The following TOPAZ1 variants were observed in gnomAD, a reference collection of about 807,000 sequenced individuals.
The protein encoded by TOPAZ1 is testis and ovary specific TOPAZ 1, also known as protein TOPAZ1.
A neutral mutation model predicts 172.2 loss-of-function variants in TOPAZ1; 66 were observed. The ratio of observed to expected loss-of-function variants is 0.38; its 90% confidence interval spans 0.31 to 0.47. The LOEUF (loss-of-function observed/expected upper bound fraction) is 0.47, where lower values mean the gene tolerates loss of function less well. Among genes scored for constraint, TOPAZ1 ranks in the 20% least tolerant of loss-of-function variants. The pLI is 0.99. For synonymous variants in TOPAZ1, 681 were observed against 683.9 expected (o/e 1.00, Z 0.07); for missense variants, 1,822 against 1,972.4 (o/e 0.92, Z 1.44).
chr3:44,308,781 A>G (rs1453597000), intron 15 of TOPAZ1, among the ~76,000 whole-genome samples: 3 of 152,180 alleles, frequency 2.0e-5, no homozygotes, highest in Admixed American at 2.0e-4. Flanking sequence ...CATAGTATGA[A>G]TTTTTTAATG....
chr3:44,248,363 T>G (rs1184515614), intron 2 of TOPAZ1, among the ~76,000 whole-genome samples: 1 of 152,248 alleles, frequency 6.6e-6, no homozygotes, highest in Non-Finnish European at 1.5e-5. Context: ...TTCATTTTTC[T>G]TCACTTCAAA....
intron 8 of TOPAZ1, among the ~76,000 whole-genome samples, chr3:44,271,264 T>A (rs1443836170): frequency 6.6e-6 from 1 of 152,214 alleles, no homozygotes; most frequent in Non-Finnish European, 1.5e-5. Flanking sequence ...ATTACACTCT[T>A]ACCAGCAATG....
intron 9 of TOPAZ1, among the ~76,000 whole-genome samples, chr3:44,285,867 C>A (rs1177569425): frequency 6.6e-6 from 1 of 151,570 alleles, no homozygotes. Flanking sequence ...CACGCCTGGC[C>A]GAGAGGATCA....
At chr3:44,296,146 TAAGTGAACTGTTAG>T (rs1333603921) in intron 12 of TOPAZ1, among the ~76,000 whole-genome samples, 2 of 152,112 alleles carry the variant, frequency 1.3e-5, no homozygotes, top group Admixed American at 6.6e-5. Flanking sequence ...GTTTCAAAAC[TAAGTGAACTGTTAG>T]AACTGAATAA....
chr3:44,265,457 T>C (rs1367516486), intron 5 of TOPAZ1, among the ~76,000 whole-genome samples: 5 of 152,156 alleles, frequency 3.3e-5, no homozygotes, highest in African/African-American at 1.2e-4. Flanking sequence ...CTCAGGAAGC[T>C]GAGGCAGAGA....
At chr3:44,304,181 A>G in intron 13 of TOPAZ1, 100 bp downstream of exon 13, 1 of 667,682 alleles carries the variant, frequency 1.5e-6, no homozygotes, top group South Asian at 2.5e-5. Flanking sequence ...AAAGTTTTAG[A>G]AATGTGGCTG....
downstream of TOPAZ1, among the ~76,000 whole-genome samples, chr3:44,332,822 A>C (rs1700685575): frequency 6.6e-6 from 1 of 151,592 alleles, no homozygotes; most frequent in Non-Finnish European, 1.5e-5. Context: ...TTTCCTGAGA[A>C]AGGGTCGTAC....
intron 4 of TOPAZ1, among the ~76,000 whole-genome samples, chr3:44,261,203 G>A (rs762815528): frequency 1.2e-4 from 18 of 151,810 alleles, no homozygotes; most frequent in Non-Finnish European, 2.2e-4. Flanking sequence ...AACATGGTAG[G>A]TCCTCGGTTT....
chr3:44,246,124 T>G (rs536578883), intron 2 of TOPAZ1, among the ~76,000 whole-genome samples: 34 of 152,280 alleles, frequency 2.2e-4, no homozygotes, highest in Middle Eastern at 3.4e-3. Context: ...AGCATAAAAT[T>G]TATTCGTGGT....
intron 12 of TOPAZ1, among the ~76,000 whole-genome samples, chr3:44,295,364 C>A (rs1700183967): frequency 6.6e-6 from 1 of 151,968 alleles, no homozygotes; most frequent in Non-Finnish European, 1.5e-5. Context: ...TACTTTGCAG[C>A]CATTAAAAAA....
At chr3:44,242,519 C>T (rs1166220351) in intron 1 of TOPAZ1, 120 bp downstream of exon 1, 1 of 1,099,466 alleles carries the variant, frequency 9.1e-7, no homozygotes, top group Non-Finnish European at 1.3e-6. Context: ...CATAGTTGAC[C>T]AGGAGATGGG....
At chr3:44,273,029 T>A (rs940208188) in intron 8 of TOPAZ1, among the ~76,000 whole-genome samples, 11 of 152,220 alleles carry the variant, frequency 7.2e-5, no homozygotes, top group African/African-American at 2.4e-4. Flanking sequence ...TATCCTCTAA[T>A]GAGGGACTTA....
chr3:44,327,066 G>T (rs890632609), intron 18 of TOPAZ1, among the ~76,000 whole-genome samples: 8 of 152,196 alleles, frequency 5.3e-5, no homozygotes, highest in Non-Finnish European at 1.2e-4. Context: ...GAGCCAGAAA[G>T]TGGGCACCCC....
intron 5 of TOPAZ1, 39 bp downstream of exon 5, chr3:44,262,522 T>G: frequency 9.5e-7 from 1 of 1,056,982 alleles, no homozygotes; most frequent in Non-Finnish European, 1.4e-6. Context: ...CTTAAAATAG[T>G]CACTCATCTA....
intron 1 of TOPAZ1, among the ~76,000 whole-genome samples, 193 bp from the exon 2 acceptor site, chr3:44,242,660 C>T (rs961358989): frequency 6.6e-6 from 1 of 152,030 alleles, no homozygotes; most frequent in African/African-American, 2.4e-5. Flanking sequence ...TATTCAGTTG[C>T]CTTAGAATTT....
At chr3:44,298,279 C>T (rs1044180362) in intron 12 of TOPAZ1, among the ~76,000 whole-genome samples, 1 of 152,046 alleles carries the variant, frequency 6.6e-6, no homozygotes, top group African/African-American at 2.4e-5. Context: ...GCCTGGGCAA[C>T]GTGGTGAAAC....
chr3:44,299,881 T>C (rs1351823976), intron 12 of TOPAZ1, among the ~76,000 whole-genome samples: 26 of 133,372 alleles, frequency 1.9e-4, no homozygotes, highest in Non-Finnish European at 1.5e-5. Context: ...ATATTCTCAC[T>C]CATAGGTGGG....
chr3:44,282,409 G>A (rs762808300), intron 9 of TOPAZ1, among the ~76,000 whole-genome samples: 2 of 152,080 alleles, frequency 1.3e-5, no homozygotes, highest in African/African-American at 2.4e-5. Context: ...GTACCATCCA[G>A]TAAGTTCTGT....
intron 4 of TOPAZ1, among the ~76,000 whole-genome samples, chr3:44,261,127 GT>G (rs902804517): frequency 1.9e-4 from 29 of 151,928 alleles, no homozygotes; most frequent in African/African-American, 5.8e-4. Context: ...TCACATTGTA[GT>G]TTTTTTAATG....
Sources: gnomAD v4.1 joint callset for allele counts (sites outside exome capture counted in the v4.1 genomes callset) on GRCh38, gnomAD v4.1.1 for gene constraint, MANE v1.5 for transcripts, NCBI Gene and HGNC (gene_info 2026-07-23, HGNC 2026-07-21) for gene names.